The following LONP2 variants were observed in gnomAD, a reference collection of about 807,000 sequenced individuals.
LONP2 encodes lon protease homolog 2, peroxisomal.
In LONP2, 60 loss-of-function variants were observed where a neutral mutation model predicts 85.6. The ratio of observed to expected loss-of-function variants is 0.70; its 90% confidence interval spans 0.57 to 0.87. The LOEUF (loss-of-function observed/expected upper bound fraction) is 0.87, where lower values mean the gene tolerates loss of function less well. Among genes scored for constraint, LONP2 ranks in the 40% least tolerant of loss-of-function variants. The pLI is 0.00. For missense variants in LONP2, 860 were observed against 1,063.5 expected (o/e 0.81, Z 2.66); for synonymous variants, 395 against 389.7 (o/e 1.01, Z -0.16).
chr16:48,359,116 T>C (rs977352904), downstream of LONP2, among the ~76,000 whole-genome samples: 6 of 152,072 alleles, frequency 3.9e-5, no homozygotes, highest in African/African-American at 1.4e-4. Flanking sequence ...GCTTCCCTAA[T>C]AGGGTGTGCC....
chr16:48,270,635 A>T (rs1972083845), intron 7 of LONP2, among the ~76,000 whole-genome samples: 2 of 152,196 alleles, frequency 1.3e-5, no homozygotes, highest in South Asian at 4.1e-4. Flanking sequence ...TAAAAAAAGT[A>T]ACTGCAATAG....
At chr16:48,271,323 C>T (rs914019813) in intron 7 of LONP2, among the ~76,000 whole-genome samples, 17 of 152,098 alleles carry the variant, frequency 1.1e-4, no homozygotes, top group Non-Finnish European at 2.4e-4. Flanking sequence ...ATTTACATTT[C>T]GTGGTTTAAG....
Position 48,258,718 on chromosome 16 carries a change from C to A in LONP2, c.701C>A (p.Pro234His). The change falls in exon 4 of 15, where the codon CCC becomes CAC. Residue 234 changes from proline to histidine, a missense_variant. Physicochemically the swap from Pro to His is moderately conservative, Grantham distance 77 (BLOSUM62 -2). Transcript: ENST00000285737. ...AAATTGCTTCAAAAAACCAGAAAACCCAAGCAAGATGATGATAAGAGGGTA... is the reference window on the plus strand; with the variant it reads ...AAATTGCTTCAAAAAACCAGAAAACACAAGCAAGATGATGATAAGAGGGTA... ...GLKLLQKTRK[P>H]KQDDDKRVIA... 1 of 1,610,074 alleles carries A rather than the reference C, an allele frequency of 6.2e-7. No individual in the cohort carries two copies. The highest frequency in any genetic ancestry group is 1.1e-5 in the South Asian group (1 of 90,368).
At chr16:48,360,249 AATTT>A (rs72150748), downstream of LONP2, among the ~76,000 whole-genome samples, 12,465 of 152,254 alleles carry the variant, frequency 0.082, 532 homozygotes, top group Middle Eastern at 0.11. Flanking sequence ...TGAAATAGTG[AATTT>A]ATTATATCAT....
Position 48,244,484 on chromosome 16 carries a change from C to T in LONP2, c.96C>T (p.Ser32=). The T allele has an allele frequency of 6.2e-7, 1 of 1,600,120 alleles. No individual in the cohort carries two copies. Among genetic ancestry groups the T allele is most frequent in the Non-Finnish European group, 8.5e-7 (1 of 1,177,026 alleles). The change falls in exon 1 of 15, where the codon AGC becomes AGT. Residue 32 remains serine, a synonymous_variant. Coordinates refer to ENST00000285737, the MANE Select transcript of LONP2 (RefSeq NM_031490.5). The part of the protein sequence containing the change: ...VLLPGSTMRT[S]VDSARNLQLV... ...TGCCCGGCTCCACCATGCGCACCAGCGTGGACTCGGCCCGCAACCTGCAGC... is the reference window on the plus strand; with the variant it reads ...TGCCCGGCTCCACCATGCGCACCAGTGTGGACTCGGCCCGCAACCTGCAGC...
At chr16:48,248,634 C>T (rs1424644467) in intron 1 of LONP2, among the ~76,000 whole-genome samples, 2 of 151,914 alleles carry the variant, frequency 1.3e-5, no homozygotes, top group East Asian at 1.9e-4. Context: ...CATATTATTC[C>T]AACACGGGCT....
chr16:48,310,972 A>G (rs1244204624), intron 11 of LONP2, among the ~76,000 whole-genome samples: 1 of 152,212 alleles, frequency 6.6e-6, no homozygotes, highest in Non-Finnish European at 1.5e-5. Context: ...AAGCACTTTG[A>G]AAATAGAATC....
chr16:48,304,532 C>T (rs578050966), intron 11 of LONP2, among the ~76,000 whole-genome samples: 9 of 151,888 alleles, frequency 5.9e-5, no homozygotes, highest in African/African-American at 1.4e-4. Context: ...GGTGAAACCC[C>T]GTCTCTACTA....
At chr16:48,290,808 T>C (rs1439825368) in intron 8 of LONP2, among the ~76,000 whole-genome samples, 1 of 152,114 alleles carries the variant, frequency 6.6e-6, no homozygotes, top group African/African-American at 2.4e-5. Flanking sequence ...TCACTGGCCA[T>C]TGGTGATCAA....
At chr16:48,280,637 C>T (rs746931737) in intron 8 of LONP2, among the ~76,000 whole-genome samples, 2 of 152,144 alleles carry the variant, frequency 1.3e-5, no homozygotes, top group Admixed American at 6.5e-5. Context: ...CCTGGGCCCA[C>T]GTACTAATCA....
chr16:48,277,240 T>C (rs1017057217), intron 7 of LONP2, 98 bp from the exon 8 acceptor site: 1 of 1,182,714 alleles, frequency 8.5e-7, no homozygotes. Context: ...TAGTGATAGC[T>C]AAATGATCTT....
chr16:48,345,590 G>A (rs1004233568), intron 12 of LONP2: 5 of 152,224 alleles, frequency 3.3e-5, no homozygotes, highest in Middle Eastern at 6.8e-3. Flanking sequence ...TGTGTCTTTC[G>A]CCTCAAGTTA....
intron 1 of LONP2, among the ~76,000 whole-genome samples, chr16:48,249,391 A>T (rs749346598): frequency 6.6e-6 from 1 of 152,218 alleles, no homozygotes; most frequent in Non-Finnish European, 1.5e-5. Flanking sequence ...GACTGACTTG[A>T]TATACAACCT....
At chr16:48,302,765 A>T (rs1349931362) in intron 10 of LONP2, among the ~76,000 whole-genome samples, 2 of 152,226 alleles carry the variant, frequency 1.3e-5, no homozygotes, top group African/African-American at 2.4e-5. Flanking sequence ...AATTTCTCTT[A>T]TTCTTTCAGT....
At chr16:48,358,290 C>T (rs1960449635), downstream of LONP2, among the ~76,000 whole-genome samples, 1 of 152,112 alleles carries the variant, frequency 6.6e-6, no homozygotes, top group African/African-American at 2.4e-5. Context: ...TCTGGAACCT[C>T]TCCAGAAAGC....
Position 48,348,270 on chromosome 16 carries a change from C to T in LONP2, c.2317C>T (p.Leu773=), listed in dbSNP as rs775794927. 1.3e-6 allele frequency: 2 copies of T among 1,529,242 alleles called. No individual in the cohort carries two copies. Among genetic ancestry groups the T allele is most frequent in the Non-Finnish European group, 8.8e-7 (1 of 1,139,674 alleles). The allele number at this position is 1,529,242 out of a possible 1,614,324, so 94.7% of individuals were successfully genotyped here. A position where few individuals can be genotyped will look rare whatever the true frequency, so the allele number is the denominator to read the frequency against. Residue 773 remains leucine (L), a synonymous_variant, in exon 14 of 15, where the codon CTG becomes TTG. Coordinates refer to ENST00000285737, the MANE Select transcript of LONP2 (RefSeq NM_031490.5). ...TGTAGCCATGACTGGAGAAATTACA[C>T]TGAGAGGTCTTGTTCTTCCAGTAAG... ...SDVAMTGEIT[L]RGLVLPVGGI... is the part of the protein sequence containing the mutation.
intron 11 of LONP2, among the ~76,000 whole-genome samples, chr16:48,305,095 T>C (rs1972886106): frequency 6.6e-6 from 1 of 152,228 alleles, no homozygotes; most frequent in East Asian, 1.9e-4. Flanking sequence ...TCCCCACGCC[T>C]GGAACCTCAC....
intron 8 of LONP2, among the ~76,000 whole-genome samples, chr16:48,288,275 TC>T (rs1972490402): frequency 6.6e-6 from 1 of 151,112 alleles, no homozygotes; most frequent in African/African-American, 2.4e-5. Context: ...TGCCTCAGTC[TC>T]CTGAGTAGCT....
chr16:48,282,410 C>CAAAAAA (rs773913986), intron 8 of LONP2, among the ~76,000 whole-genome samples: 1 of 83,826 alleles, frequency 1.2e-5, no homozygotes, highest in African/African-American at 4.0e-5. Context: ...GACTCTGTCT[C>CAAAAAA]AAAAAAAAAA....
Sources: allele counts gnomAD v4.1 joint callset (sites outside exome capture counted in the v4.1 genomes callset), GRCh38; gene constraint gnomAD v4.1.1; transcripts MANE v1.5; gene names NCBI Gene and HGNC (gene_info 2026-07-23, HGNC 2026-07-21).